Variants in CHRM3 observed in about 807,000 individuals in gnomAD.
The protein encoded by CHRM3 is cholinergic receptor muscarinic 3.
CHRM3 carries 11 observed loss-of-function variants against 41.8 expected under a neutral mutation model. The observed-to-expected ratio is 0.26, with a 90% CI of 0.17 to 0.44. The LOEUF (loss-of-function observed/expected upper bound fraction) is 0.44. Among genes scored for constraint, CHRM3 ranks in the 20% least tolerant of loss-of-function variants. The probability of loss-of-function intolerance (pLI) is 1.00; values close to 1 mark genes in which losing one functional copy is unlikely to be tolerated. For synonymous variants in CHRM3, 297 were observed against 301.4 expected (o/e 0.99, Z 0.15); for missense variants, 571 against 745.4 (o/e 0.77, Z 2.72).
chr1:239,638,346 C>G (rs1434565239), intron 4 of CHRM3, among the ~76,000 whole-genome samples: 1 of 151,976 alleles, frequency 6.6e-6, no homozygotes, highest in Non-Finnish European at 1.5e-5. Flanking sequence ...ACACTGACTT[C>G]CACAATGGTT....
chr1:239,408,604 C>A (rs1468850084), intron 1 of CHRM3, among the ~76,000 whole-genome samples: 1 of 150,894 alleles, frequency 6.6e-6, no homozygotes, highest in Non-Finnish European at 1.5e-5. Context: ...TGAGAACGGA[C>A]TAATACAGCA....
At chr1:239,861,679 G>T (rs536861940) in intron 6 of CHRM3, among the ~76,000 whole-genome samples, 1 of 152,106 alleles carries the variant, frequency 6.6e-6, no homozygotes, top group Non-Finnish European at 1.5e-5. Flanking sequence ...TTATTTTTTC[G>T]TAGAGTACTT....
At chr1:239,629,070 C>G (rs1669421829) in intron 3 of CHRM3, 4 of 101,536 alleles carry the variant, frequency 3.9e-5, no homozygotes, top group African/African-American at 1.2e-4. Flanking sequence ...CCTAAGCAAG[C>G]CTGGGCAATG....
At chr1:239,716,677 T>A (rs1253925142) in intron 5 of CHRM3, among the ~76,000 whole-genome samples, 2 of 151,036 alleles carry the variant, frequency 1.3e-5, no homozygotes, top group African/African-American at 4.9e-5. Flanking sequence ...AACCAGTGGG[T>A]CCTAAAATAG....
At chr1:239,665,070 C>T (rs1241709316) in intron 4 of CHRM3, among the ~76,000 whole-genome samples, 5 of 151,178 alleles carry the variant, frequency 3.3e-5, no homozygotes, top group Admixed American at 1.3e-4. Flanking sequence ...GTCCCTTCCA[C>T]GACTATATTC....
chr1:239,618,052 CTG>C (rs929462653), intron 3 of CHRM3, among the ~76,000 whole-genome samples: 19 of 151,902 alleles, frequency 1.3e-4, no homozygotes, highest in African/African-American at 4.1e-4. Flanking sequence ...TTTTTATCAA[CTG>C]TGTTTCTAAG....
rs1321031101 is a variant in CHRM3 at position 239,392,825 on chromosome 1, G to T, written c.-521+5598G>T. On this transcript the variant is annotated intron_variant, in intron 1 of 6. Transcript: ENST00000676153. ...ACATTTTTTAAGACTTGTCACTTTG[G>T]AGTACATTTTCTCCCACTAGAATTG... Among the ~76,000 whole-genome samples, 3 of 152,160 alleles carry T rather than the reference G, an allele frequency of 2.0e-5. No individual in the cohort carries two copies. The East Asian group carries it at 5.8e-4, about 29-fold the overall frequency.
chr1:239,800,248 T>A (rs2148914364), intron 5 of CHRM3, among the ~76,000 whole-genome samples: 1 of 152,298 alleles, frequency 6.6e-6, no homozygotes, highest in Middle Eastern at 3.4e-3. Flanking sequence ...CTAGTAAGAA[T>A]AGCTCAGCAA....
intron 4 of CHRM3, among the ~76,000 whole-genome samples, chr1:239,664,661 C>T (rs528038344): frequency 6.6e-6 from 1 of 152,250 alleles, no homozygotes; most frequent in South Asian, 2.1e-4. Context: ...CCCTGGGTAG[C>T]ACCCTCTCTG....
intron 5 of CHRM3, among the ~76,000 whole-genome samples, chr1:239,779,804 C>T (rs1339432969): frequency 1.3e-5 from 2 of 152,222 alleles, no homozygotes; most frequent in African/African-American, 4.8e-5. Context: ...CTCCCTGCAC[C>T]CTAACCTCTG....
At chr1:239,487,736 A>G (rs947008787) in intron 1 of CHRM3, among the ~76,000 whole-genome samples, 6 of 152,030 alleles carry the variant, frequency 3.9e-5, no homozygotes, top group Non-Finnish European at 7.4e-5. Context: ...ATTTTTTTCA[A>G]TCATATCAAA....
At chr1:239,637,548 A>G (rs965996107) in intron 4 of CHRM3, among the ~76,000 whole-genome samples, 7 of 76,452 alleles carry the variant, frequency 9.2e-5, no homozygotes, top group African/African-American at 4.2e-4. Flanking sequence ...TTTTGGTGAA[A>G]TGCTCTTTTA....
chr1:239,857,990 ATAT>A (rs944500106), intron 6 of CHRM3, among the ~76,000 whole-genome samples: 2 of 152,174 alleles, frequency 1.3e-5, no homozygotes, highest in African/African-American at 4.8e-5. Context: ...TTATTGATAT[ATAT>A]TATTAATTAA....
chr1:239,649,241 TG>T (rs935950670), intron 4 of CHRM3, among the ~76,000 whole-genome samples: 4 of 152,098 alleles, frequency 2.6e-5, no homozygotes, highest in Non-Finnish European at 4.4e-5. Flanking sequence ...AGAGCTTATT[TG>T]CCCGTTTCAT....
chr1:239,648,669 T>C (rs973186062), intron 4 of CHRM3, among the ~76,000 whole-genome samples: 2 of 152,116 alleles, frequency 1.3e-5, no homozygotes, highest in African/African-American at 4.8e-5. Flanking sequence ...GGGGAAGGAA[T>C]GGAAGCCAAT....
intron 3 of CHRM3, among the ~76,000 whole-genome samples, chr1:239,573,066 T>C (rs889448060): frequency 6.6e-6 from 1 of 152,136 alleles, no homozygotes; most frequent in Non-Finnish European, 1.5e-5. Context: ...AGTACTTAGG[T>C]GTACACATAG....
chr1:239,724,506 T>C (rs2148365241), intron 5 of CHRM3, among the ~76,000 whole-genome samples: 1 of 152,092 alleles, frequency 6.6e-6, no homozygotes, highest in African/African-American at 2.4e-5. Flanking sequence ...TCTATTTCCC[T>C]TAGGTGTAAA....
At chr1:239,829,346 TG>T (rs1181992366) in intron 6 of CHRM3, among the ~76,000 whole-genome samples, 4 of 152,136 alleles carry the variant, frequency 2.6e-5, no homozygotes, top group African/African-American at 9.6e-5. Context: ...TTTTCCCAGT[TG>T]GTACAGCCCC....
At chr1:239,531,616 A>C (rs1670409702) in intron 2 of CHRM3, among the ~76,000 whole-genome samples, 1 of 145,630 alleles carries the variant, frequency 6.9e-6, no homozygotes, top group African/African-American at 2.5e-5. Context: ...TTTGTCGTAT[A>C]AAAACTAATC....
Sources: gnomAD v4.1 joint callset for allele counts (sites outside exome capture counted in the v4.1 genomes callset) on GRCh38, gnomAD v4.1.1 for gene constraint, MANE v1.5 for transcripts, NCBI Gene and HGNC (gene_info 2026-07-23, HGNC 2026-07-21) for gene names.